NEO1: variants seen among roughly 807,000 people sequenced by gnomAD.
NEO1 encodes the protein neogenin.
NEO1 carries 63 observed loss-of-function variants against 159.7 expected under a neutral mutation model. The observed-to-expected ratio is 0.39, with a 90% CI of 0.32 to 0.49. The LOEUF (loss-of-function observed/expected upper bound fraction) is 0.49. Among genes scored for constraint, NEO1 ranks in the 20% least tolerant of loss-of-function variants. The probability of loss-of-function intolerance (pLI) is 0.85; values close to 1 mark genes in which losing one functional copy is unlikely to be tolerated. For missense variants in NEO1, 1,615 were observed against 1,831.0 expected (o/e 0.88, Z 2.15); for synonymous variants, 633 against 662.0 (o/e 0.96, Z 0.67).
chr15:73,247,657 A>ACGT (rs2039865343), intron 9 of NEO1, among the ~76,000 whole-genome samples: 1 of 152,238 alleles, frequency 6.6e-6, no homozygotes, highest in Non-Finnish European at 1.5e-5. Flanking sequence ...AGTGTGTTTT[A>ACGT]CATTTTGTTA....
intron 22 of NEO1, 44 bp from the exon 23 acceptor site, chr15:73,282,920 T>G (rs779718313): frequency 6.3e-7 from 1 of 1,590,590 alleles, no homozygotes; most frequent in East Asian, 2.2e-5. Flanking sequence ...ATGCATGTTT[T>G]AAATTCTCTA....
chr15:73,244,636 C>T, intron 9 of NEO1, 138 bp downstream of exon 9: 1 of 908,680 alleles, frequency 1.1e-6, no homozygotes, highest in Non-Finnish European at 1.6e-6. Flanking sequence ...TTAGGGGAGG[C>T]AAAATTAATT....
intron 23 of NEO1, among the ~76,000 whole-genome samples, chr15:73,284,450 T>C (rs1218727900): frequency 6.6e-6 from 1 of 152,236 alleles, no homozygotes; most frequent in Admixed American, 6.5e-5. Context: ...GTAAGTTATG[T>C]GATATTTTAA....
chr15:73,286,042 T>C (rs2041931414), intron 23 of NEO1, among the ~76,000 whole-genome samples: 1 of 152,026 alleles, frequency 6.6e-6, no homozygotes, highest in African/African-American at 2.4e-5. Flanking sequence ...TTCTTCCAGC[T>C]TAAGGAATAA....
intron 5 of NEO1, among the ~76,000 whole-genome samples, chr15:73,155,100 T>C (rs1300006622): frequency 1.3e-5 from 2 of 152,114 alleles, no homozygotes; most frequent in African/African-American, 2.4e-5. Context: ...GCATTTCTTA[T>C]AGGGCTGGTT....
At chr15:73,212,128 C>T (rs1259264556) in intron 7 of NEO1, among the ~76,000 whole-genome samples, 1 of 152,154 alleles carries the variant, frequency 6.6e-6, no homozygotes, top group African/African-American at 2.4e-5. Flanking sequence ...TGCCAGTCTT[C>T]TTGCAGTCAT....
rs148868643 is a variant in NEO1, at chr15:73,085,953, G to A, written c.131-30587G>A. ...AAAAGTTTGAAATTTAGTGAGGTTC[G>A]ACTTGCCAGTTTTTTTCTTTTATGA... On this transcript the variant is annotated intron_variant, in intron 1 of 28. Transcript: ENST00000261908. Among the ~76,000 whole-genome samples, 1,314 of 152,106 alleles carry A rather than the reference G, an allele frequency of 8.6e-3. 23 individuals are homozygous for A. Among genetic ancestry groups the A allele is most frequent in the African/African-American group, 0.03 (1,238 of 41,498 alleles).
intron 3 of NEO1, among the ~76,000 whole-genome samples, chr15:73,123,489 G>T (rs1413620595): frequency 1.3e-5 from 2 of 152,140 alleles, no homozygotes; most frequent in African/African-American, 4.8e-5. Context: ...TGTTAACATG[G>T]TGGCTCTAGA....
chr15:73,254,770 G>A lies in NEO1; in HGVS notation c.2033G>A (p.Arg678Gln), dbSNP rs550492839. 3.8e-5 allele frequency: 61 copies of A among 1,614,092 alleles called. No individual in the cohort carries two copies. The highest frequency in any genetic ancestry group is 4.4e-5 in the Non-Finnish European group (52 of 1,179,992). Reference protein sequence around the residue: ...GYKIRYRKASRKSDVTETLVS... With the variant: ...GYKIRYRKASQKSDVTETLVS... The stretch of plus-strand genomic sequence containing the variant: ...AAGATTCGCTACCGAAAGGCCTCCC[G>A]AAAGAGTGATGTCACTGAGACCTTG... The change falls in exon 13 of 29, where the codon CGA (arginine) becomes CAA (glutamine). Residue 678 changes from arginine (R) to glutamine (Q), a missense_variant. Arg to Gln is a conservative substitution (Grantham distance 43). This residue lies in a region of NEO1 where 1,018 missense variants were observed against 1,115.4 expected (regional missense o/e 0.91). Coordinates refer to ENST00000261908, the MANE Select transcript of NEO1 (RefSeq NM_002499.4).
intron 1 of NEO1, among the ~76,000 whole-genome samples, chr15:73,076,311 A>G (rs2068763163): frequency 6.6e-6 from 1 of 152,166 alleles, no homozygotes; most frequent in Non-Finnish European, 1.5e-5. Context: ...TTTAGTATAT[A>G]ATTTTTACCC....
chr15:73,110,048 A>C (rs1285174580), intron 1 of NEO1, among the ~76,000 whole-genome samples: 1 of 152,142 alleles, frequency 6.6e-6, no homozygotes, highest in Non-Finnish European at 1.5e-5. Context: ...TGTTGTTGAG[A>C]TCTTTGAATG....
At chr15:73,236,712 G>A (rs949616622) in intron 8 of NEO1, among the ~76,000 whole-genome samples, 11 of 152,318 alleles carry the variant, frequency 7.2e-5, no homozygotes, top group Middle Eastern at 6.8e-3. Context: ...ATGACTTAGG[G>A]AGAGGGTAGA....
intron 7 of NEO1, among the ~76,000 whole-genome samples, chr15:73,188,705 G>A (rs1478484496): frequency 6.6e-6 from 1 of 152,174 alleles, no homozygotes; most frequent in East Asian, 1.9e-4. Context: ...AATGGTTTTA[G>A]TAAATGATGT....
chr15:73,185,942 T>G (rs1000189666), intron 7 of NEO1, among the ~76,000 whole-genome samples: 1 of 151,612 alleles, frequency 6.6e-6, no homozygotes, highest in African/African-American at 2.4e-5. Flanking sequence ...AAAAATGAAT[T>G]AGATCAAACC....
intron 1 of NEO1, among the ~76,000 whole-genome samples, chr15:73,100,392 T>C (rs978979007): frequency 1.3e-5 from 2 of 151,746 alleles, no homozygotes; most frequent in Non-Finnish European, 2.9e-5. Context: ...TGGAGTGCAA[T>C]GGTATAATCT....
intron 5 of NEO1, among the ~76,000 whole-genome samples, chr15:73,155,262 C>G (rs2033696191): frequency 6.6e-6 from 1 of 151,980 alleles, no homozygotes; most frequent in African/African-American, 2.4e-5. Flanking sequence ...TTCCTTACTG[C>G]ACTTTGAAAA....
At chr15:73,111,965 C>T (rs1196664654) in intron 1 of NEO1, among the ~76,000 whole-genome samples, 1 of 152,090 alleles carries the variant, frequency 6.6e-6, no homozygotes, top group African/African-American at 2.4e-5. Flanking sequence ...ATTATACATA[C>T]AAGATGATTT....
intron 7 of NEO1, among the ~76,000 whole-genome samples, chr15:73,179,596 C>T (rs2035482275): frequency 6.6e-6 from 1 of 152,060 alleles, no homozygotes; most frequent in Non-Finnish European, 1.5e-5. Flanking sequence ...TCTCCATTGC[C>T]TTCTATTGAT....
At position 73,293,523 on chromosome 15, in the gene NEO1, C is replaced by T. The variant is rs1489211868; in HGVS notation, c.3876C>T (p.Ser1292=). The part of the protein sequence containing the change: ...GSPWPIGTSM[S]LSDRANSTES... ...CATGGCCCATTGGCACATCCATGTC[C>T]CTTTCAGACAGGGCCAATTCCACAG... The change falls in exon 26 of 29, where the codon TCC becomes TCT. Residue 1292 remains serine, a synonymous_variant. Coordinates refer to ENST00000261908, the MANE Select transcript of NEO1 (RefSeq NM_002499.4). The T allele has an allele frequency of 1.2e-6, 2 of 1,614,172 alleles. No homozygotes were observed. The highest frequency in any genetic ancestry group is 1.7e-6 in the Non-Finnish European group (2 of 1,180,034).
Sources: gnomAD v4.1 joint callset for allele counts (sites outside exome capture counted in the v4.1 genomes callset) on GRCh38, gnomAD v4.1.1 for gene constraint, gnomAD v4.1.1 regional missense constraint, MANE v1.5 for transcripts, NCBI Gene and HGNC (gene_info 2026-07-23, HGNC 2026-07-21) for gene names.